The following INPP5A variants were observed in gnomAD, a reference collection of about 807,000 sequenced individuals.
INPP5A encodes the protein inositol polyphosphate-5-phosphatase A.
A neutral mutation model predicts 65.2 loss-of-function variants in INPP5A; 14 were observed. The ratio of observed to expected loss-of-function variants is 0.21; its 90% confidence interval spans 0.14 to 0.34. INPP5A has a LOEUF of 0.34. Ranked by LOEUF, INPP5A falls within the 10% of genes least tolerant of loss-of-function variation. INPP5A has a pLI of 1.00. For synonymous variants in INPP5A, 207 were observed against 208.3 expected (o/e 0.99, Z 0.05); for missense variants, 431 against 545.6 (o/e 0.79, Z 2.09).
chr10:132,775,161 G>GAT (rs1847037546), intron 12 of INPP5A, among the ~76,000 whole-genome samples: 8 of 28,562 alleles, frequency 2.8e-4, no homozygotes, highest in South Asian at 1.6e-3. Flanking sequence ...GGAGGAGAGA[G>GAT]GGGCAGAGAG....
At chr10:132,604,316 C>G (rs774489268) in intron 1 of INPP5A, among the ~76,000 whole-genome samples, 1 of 151,330 alleles carries the variant, frequency 6.6e-6, no homozygotes, top group African/African-American at 2.4e-5. Flanking sequence ...GGTCCCCTCT[C>G]TGGCGCGCCC....
chr10:132,565,290 C>T (rs1433336669), intron 1 of INPP5A, among the ~76,000 whole-genome samples: 1 of 152,092 alleles, frequency 6.6e-6, no homozygotes, highest in African/African-American at 2.4e-5. Context: ...TAAGTCTGAC[C>T]CTAAACAACT....
At chr10:132,625,110 TC>T (rs1298095727) in intron 2 of INPP5A, among the ~76,000 whole-genome samples, 3 of 52,838 alleles carry the variant, frequency 5.7e-5, no homozygotes, top group African/African-American at 1.5e-4. Flanking sequence ...CCTCTCTCCC[TC>T]CCCCCTCCCC....
rs1434074776 is a variant in INPP5A, at chr10:132,550,680, C to T, written c.75+12509C>T. ...GTAGGACAGCTGGGAGTGGGGGTGTCTGGCTATTTCACTATTAAAACAAGT... is the reference window on the plus strand; with the variant it reads ...GTAGGACAGCTGGGAGTGGGGGTGTTTGGCTATTTCACTATTAAAACAAGT... On this transcript the variant is annotated intron_variant, in intron 1 of 15. Transcript: ENST00000368594. The surrounding 1 kb of genome is among the most constrained non-coding windows in gnomAD (Gnocchi z 4.2). Among the ~76,000 whole-genome samples, 2 of 152,222 alleles carry T rather than the reference C, an allele frequency of 1.3e-5. No homozygotes were observed. The highest frequency in any genetic ancestry group is 2.9e-5 in the Non-Finnish European group (2 of 68,038).
intron 1 of INPP5A, among the ~76,000 whole-genome samples, chr10:132,606,955 T>A (rs1351400963): frequency 6.6e-6 from 1 of 152,164 alleles, no homozygotes; most frequent in Non-Finnish European, 1.5e-5. Context: ...TCTCGCAAAA[T>A]GGAAACTCTA....
intron 2 of INPP5A, among the ~76,000 whole-genome samples, chr10:132,625,246 G>C (rs953415208): frequency 1.3e-5 from 2 of 149,164 alleles, no homozygotes; most frequent in Admixed American, 6.7e-5. Context: ...TCCCCCTCAC[G>C]TGGCTCAACC....
At chr10:132,649,037 A>AC (rs2072536394) in intron 3 of INPP5A, among the ~76,000 whole-genome samples, 1 of 151,994 alleles carries the variant, frequency 6.6e-6, no homozygotes, top group African/African-American at 2.4e-5. Context: ...GTTCTGCCCC[A>AC]CAGGGCCCTA....
chr10:132,567,648 A>G (rs1564918755), intron 1 of INPP5A, among the ~76,000 whole-genome samples: 1 of 152,196 alleles, frequency 6.6e-6, no homozygotes, highest in Non-Finnish European at 1.5e-5. Flanking sequence ...CGCTCCATGT[A>G]AACGTGTCTG....
Position 132,650,350 on chromosome 10 carries a change from G to A in INPP5A, c.219-68G>A. ...TGTGCTGGAGCCCCTCTTATACCTT[G>A]TGGTCATCTCATGAGGTGCAAGGCG... On this transcript the variant is annotated intron_variant, in intron 3 of 15. Coordinates refer to ENST00000368594, the MANE Select transcript of INPP5A (RefSeq NM_005539.5). This position sits in a 1 kb window ranked among gnomAD's most constrained non-coding sequence, Gnocchi z 5.5. 5.9e-6 allele frequency: 6 copies of A among 1,022,558 alleles called. No homozygotes were observed. Among genetic ancestry groups the A allele is most frequent in the Non-Finnish European group, 9.3e-6 (6 of 643,758 alleles). The allele number at this position is 1,022,558 out of a possible 1,614,324, so 63.3% of individuals were successfully genotyped here. A position where few individuals can be genotyped will look rare whatever the true frequency, so the allele number is the denominator to read the frequency against.
intron 8 of INPP5A, among the ~76,000 whole-genome samples, chr10:132,711,707 G>A (rs1362087252): frequency 6.6e-6 from 1 of 152,204 alleles, no homozygotes; most frequent in Non-Finnish European, 1.5e-5. Context: ...TGTTCCCGGG[G>A]CCGGTTCTCT....
At chr10:132,618,895 A>T (rs1461656590) in intron 2 of INPP5A, among the ~76,000 whole-genome samples, 2 of 152,220 alleles carry the variant, frequency 1.3e-5, no homozygotes, top group African/African-American at 4.8e-5. Context: ...CAGTCCATTC[A>T]GGAGGCATCT....
chr10:132,566,650 A>G (rs1392040799), intron 1 of INPP5A, among the ~76,000 whole-genome samples: 1 of 152,238 alleles, frequency 6.6e-6, no homozygotes, highest in African/African-American at 2.4e-5. Context: ...CTGAAAATGT[A>G]TTTGTTAATA....
chr10:132,628,464 G>C (rs75845437), intron 2 of INPP5A, among the ~76,000 whole-genome samples: 12 of 42,632 alleles, frequency 2.8e-4, no homozygotes, highest in Non-Finnish European at 5.5e-4. Flanking sequence ...CTCTGGTGGC[G>C]GGGGGGGGGG....
intron 8 of INPP5A, among the ~76,000 whole-genome samples, chr10:132,720,083 A>T (rs1845837183): frequency 6.7e-6 from 1 of 148,818 alleles, no homozygotes; most frequent in African/African-American, 2.5e-5. Context: ...TGGGCGCCTT[A>T]GACGGCTGTC....
At chr10:132,569,948 G>C (rs1241859628) in intron 1 of INPP5A, among the ~76,000 whole-genome samples, 1 of 135,080 alleles carries the variant, frequency 7.4e-6, no homozygotes, top group Non-Finnish European at 1.6e-5. Flanking sequence ...CACCGCACTG[G>C]GCCCCCACTG....
rs967484704 is a variant in INPP5A at position 132,655,117 on chromosome 10, C to T, written c.306+4612C>T. 5.3e-5 allele frequency among the ~76,000 whole-genome samples: 8 copies of T among 152,352 alleles called. No individual in the cohort carries two copies. In the East Asian group the frequency reaches 1.2e-3, roughly 22 times the overall value. ...CCCAGGAGGTGCCCAGGCTGAGCCC[C>T]GAGCTCTGCGCCCGCATGGAAAATG... On this transcript the variant is annotated intron_variant, in intron 4 of 15. Coordinates refer to ENST00000368594, the MANE Select transcript of INPP5A (RefSeq NM_005539.5).
intron 12 of INPP5A, among the ~76,000 whole-genome samples, chr10:132,769,742 T>G (rs988369785): frequency 3.9e-5 from 6 of 152,012 alleles, no homozygotes; most frequent in African/African-American, 1.5e-4. Context: ...GCCAAGGCCC[T>G]CAGGGCAGGA....
chr10:132,739,410 G>C (rs1362397588), intron 9 of INPP5A, among the ~76,000 whole-genome samples: 4 of 152,240 alleles, frequency 2.6e-5, no homozygotes, highest in Non-Finnish European at 4.4e-5. Context: ...GTGGGGGCGT[G>C]CCGACAGAAG....
At chr10:132,750,320 G>T (rs899869183) in intron 11 of INPP5A, among the ~76,000 whole-genome samples, 3 of 152,250 alleles carry the variant, frequency 2.0e-5, no homozygotes. Flanking sequence ...ACGTGAGTGC[G>T]TATCTGCCTC....
Sources: gnomAD v4.1 joint callset for allele counts (sites outside exome capture counted in the v4.1 genomes callset) on GRCh38, gnomAD v4.1.1 for gene constraint, Gnocchi (gnomAD v3.1) non-coding constraint, MANE v1.5 for transcripts, NCBI Gene and HGNC (gene_info 2026-07-23, HGNC 2026-07-21) for gene names.